The following ACAD10 variants were observed in gnomAD, a reference collection of about 807,000 sequenced individuals.
ACAD10 encodes the protein acyl-CoA dehydrogenase family member 10.
Under a neutral mutation model 116.8 loss-of-function variants are expected in ACAD10, and 112 were observed. The observed-to-expected ratio is 0.96, with a 90% CI of 0.82 to 1.12. The LOEUF (loss-of-function observed/expected upper bound fraction) is 1.12. ACAD10 is among the 50% of genes most tolerant of loss of function. ACAD10 has a pLI of 0.00. For synonymous variants in ACAD10, 486 were observed against 510.6 expected (o/e 0.95, Z 0.65); for missense variants, 1,259 against 1,350.2 (o/e 0.93, Z 1.06).
rs1888094606 is a variant in ACAD10, at chr12:111,692,878, C to G, written c.169C>G (p.Pro57Ala). The G allele has an allele frequency of 6.2e-7, 1 of 1,613,974 alleles. No homozygotes were observed. Among genetic ancestry groups the G allele is most frequent in the Non-Finnish European group, 8.5e-7 (1 of 1,180,010 alleles). The part of the protein sequence containing the change: ...FDMGGVLIPS[P>A]GRVAAEWEVQ... The stretch of plus-strand genomic sequence containing the variant: ...CATGGGCGGAGTTCTCATTCCTTCT[C>G]CAGGGAGAGTCGCTGCAGGTGAGCT... Residue 57 changes from proline (P) to alanine (A), a missense_variant, in exon 2 of 21, where the codon CCA becomes GCA. By Grantham distance (27) the Pro-to-Ala change is conservative (BLOSUM62 -1). Transcript: ENST00000313698.
chr12:111,721,854 G>A lies in ACAD10; in HGVS notation c.1061+115G>A, dbSNP rs185026920. On this transcript the variant is annotated intron_variant, in intron 8 of 20. Transcript: ENST00000313698. Reference sequence around the variant, plus strand: ...AATAAAATTTGGGTAGGAGGGAAAAGAAACTTTATCACAACCTCTCCCAGA... The same window carrying A: ...AATAAAATTTGGGTAGGAGGGAAAAAAAACTTTATCACAACCTCTCCCAGA... 6 of 788,570 alleles carry A rather than the reference G, an allele frequency of 7.6e-6. No individual in the cohort carries two copies. The Admixed American group carries it at 1.9e-4, about 25-fold the overall frequency. 48.8% of individuals were successfully genotyped at this position (788,570 alleles called of 1,614,324 possible).
rs1889580044 is a variant in ACAD10, at chr12:111,736,851, A to G, written c.1561A>G (p.Thr521Ala). The G allele has an allele frequency of 2.5e-6, 4 of 1,613,804 alleles. No individual in the cohort carries two copies. The highest frequency in any genetic ancestry group is 3.4e-6 in the Non-Finnish European group (4 of 1,179,824). The part of the protein sequence containing the change: ...VLRGINDCDL[T>A]QLGIPAAEEY... ...CGCAGGTATTAATGACTGTGACTTG[A>G]CACAGCTGGGAATCCCTGCTGCAGA... is the stretch of plus-strand genomic sequence containing the variant. Residue 521 changes from threonine (T) to alanine (A), a missense_variant, in exon 12 of 21, where the codon ACA (threonine) becomes GCA (alanine). Physicochemically the swap from Thr to Ala is moderately conservative, Grantham distance 58. Coordinates refer to ENST00000313698, the MANE Select transcript of ACAD10 (RefSeq NM_025247.6).
intron 10 of ACAD10, among the ~76,000 whole-genome samples, chr12:111,730,316 G>A: frequency 6.6e-6 from 1 of 152,162 alleles, no homozygotes; most frequent in South Asian, 2.1e-4. Flanking sequence ...CTGTTTGAAA[G>A]TAAGGCAGAG....
chr12:111,753,176 A>G (rs1478031453), intron 18 of ACAD10: 2 of 205,736 alleles, frequency 9.7e-6, no homozygotes, highest in Non-Finnish European at 2.0e-5. Context: ...AGGAAAAAGA[A>G]TAAATAAAAC....
chr12:111,691,190 C>T (rs1021107083), intron 1 of ACAD10: 1 of 152,050 alleles, frequency 6.6e-6, no homozygotes, highest in Non-Finnish European at 1.5e-5. Context: ...TATACGTGTA[C>T]ATGTATGTAT....
At chr12:111,689,405 C>A (rs1214543938) in intron 1 of ACAD10, among the ~76,000 whole-genome samples, 2 of 151,906 alleles carry the variant, frequency 1.3e-5, no homozygotes, top group East Asian at 3.9e-4. Flanking sequence ...CACTCTATAA[C>A]CCCGGCTGGA....
intron 19 of ACAD10, 61 bp from the exon 20 acceptor site, chr12:111,755,607 C>A (rs1181224184): frequency 3.8e-6 from 5 of 1,325,756 alleles, no homozygotes; most frequent in Non-Finnish European, 5.4e-6. Flanking sequence ...ACGGGGGGGC[C>A]TCACTCTGCC....
Position 111,747,137 on chromosome 12 carries a change from C to T in ACAD10, c.2345C>T (p.Pro782Leu). 1 of 1,613,376 alleles carries T rather than the reference C, an allele frequency of 6.2e-7. No individual in the cohort carries two copies. The highest frequency in any genetic ancestry group is 1.1e-5 in the South Asian group (1 of 90,996). Residue 782 changes from proline to leucine, a missense_variant, in exon 15 of 21, where the codon CCT becomes CTT. Pro to Leu is a moderately conservative substitution (Grantham distance 98, BLOSUM62 -3). Coordinates refer to ENST00000313698, the MANE Select transcript of ACAD10 (RefSeq NM_025247.6). ...GCGCAGAAGGCTCGCTGGCTGATTC[C>T]TCTGCTGGAGGGGAAAGCCCGCTCC... ...TEAQKARWLI[P>L]LLEGKARSCF...
At chr12:111,735,267 T>C (rs542420838) in intron 11 of ACAD10, among the ~76,000 whole-genome samples, 1 of 152,148 alleles carries the variant, frequency 6.6e-6, no homozygotes, top group Non-Finnish European at 1.5e-5. Context: ...GGTTAATTCC[T>C]ATTTAGATAT....
At chr12:111,745,245 C>A in intron 13 of ACAD10, 1 of 634,638 alleles carries the variant, frequency 1.6e-6, no homozygotes, top group Non-Finnish European at 2.6e-6. Flanking sequence ...GTGTCACAGG[C>A]AGATGGCTCA....
chr12:111,732,657 C>T (rs1889422779), intron 10 of ACAD10, among the ~76,000 whole-genome samples: 1 of 152,160 alleles, frequency 6.6e-6, no homozygotes, highest in Non-Finnish European at 1.5e-5. Context: ...TTACAGACAG[C>T]CCTGGCAGGA....
Position 111,747,031 on chromosome 12 carries a change from G to A in ACAD10, c.2257-18G>A, listed in dbSNP as rs771768659. On this transcript the variant is annotated intron_variant, in intron 14 of 20. Transcript: ENST00000313698. ...AAGAGGACATGACAGTCATGGTCAC[G>A]CTCCTTTTCCTTCTCAGGTATGTAA... 7.0e-6 allele frequency: 11 copies of A among 1,562,486 alleles called. No individual in the cohort carries two copies. The highest frequency in any genetic ancestry group is 1.4e-5 in the African/African-American group (1 of 73,344).
Position 111,747,041 on chromosome 12 carries a change from C to A in ACAD10, c.2257-8C>A, listed in dbSNP as rs767851446. On this transcript the variant is annotated splice_polypyrimidine_tract_variant and splice_region_variant and intron_variant, in intron 14 of 20. Coordinates refer to ENST00000313698, the MANE Select transcript of ACAD10 (RefSeq NM_025247.6). The stretch of plus-strand genomic sequence containing the variant: ...GACAGTCATGGTCACGCTCCTTTTC[C>A]TTCTCAGGTATGTAACTGCTCTGCG... The A allele has an allele frequency of 1.3e-6, 2 of 1,574,298 alleles. No homozygotes were observed.
rs565649012 is a variant in ACAD10, at chr12:111,693,145, G to A, written c.187+249G>A. 1.9e-4 allele frequency: 97 copies of A among 504,296 alleles called. 2 individuals are homozygous for A. In the South Asian group the frequency reaches 2.1e-3, roughly 11 times the overall value. 31.2% of individuals were successfully genotyped at this position (504,296 alleles called of 1,614,324 possible). On this transcript the variant is annotated intron_variant, in intron 2 of 20. Transcript: ENST00000313698. ...AGTGCCTTCCTCCTTGGGATTTGGC[G>A]GAGAGTTATCCGTGGGAAGCACTTG...
intron 12 of ACAD10, 136 bp downstream of exon 12, chr12:111,737,140 A>C (rs1314916587): frequency 7.9e-6 from 5 of 630,160 alleles, no homozygotes; most frequent in Admixed American, 6.5e-5. Flanking sequence ...GGTTCAGTTA[A>C]TCTAACCATT....
rs558494801 is a variant in ACAD10, at chr12:111,694,175, C to G, written c.187+1279C>G. 1.2e-4 allele frequency among the ~76,000 whole-genome samples: 18 copies of G among 152,348 alleles called. No homozygotes were observed. The South Asian group carries it at 3.5e-3, about 30-fold the overall frequency. ...TTCCAGCACTGCTGACCAAATTACT[C>G]AGCCGTGCTAACTGGCTGCACAAGC... On this transcript the variant is annotated intron_variant, in intron 2 of 20. Transcript: ENST00000313698.
At chr12:111,716,029 C>A in intron 7 of ACAD10, 67 bp downstream of exon 7, 1 of 1,592,044 alleles carries the variant, frequency 6.3e-7, no homozygotes, top group Non-Finnish European at 8.6e-7. Context: ...CAGCCCTAAA[C>A]TGAAAAGTCA....
intron 8 of ACAD10, among the ~76,000 whole-genome samples, chr12:111,724,382 T>A (rs1194287362): frequency 1.3e-5 from 2 of 151,928 alleles, no homozygotes; most frequent in Non-Finnish European, 2.9e-5. Context: ...GCAGAGACAC[T>A]CCTCACTTCC....
At chr12:111,700,313 A>G (rs1403808530) in intron 2 of ACAD10, among the ~76,000 whole-genome samples, 1 of 152,228 alleles carries the variant, frequency 6.6e-6, no homozygotes, top group Non-Finnish European at 1.5e-5. Flanking sequence ...GATGTAATAA[A>G]CACCTTATTA....
Sources: gnomAD v4.1 joint callset for allele counts (sites outside exome capture counted in the v4.1 genomes callset) on GRCh38, gnomAD v4.1.1 for gene constraint, MANE v1.5 for transcripts, NCBI Gene and HGNC (gene_info 2026-07-23, HGNC 2026-07-21) for gene names.